The following WDPCP variants were observed in gnomAD, a reference collection of about 807,000 sequenced individuals.
WDPCP encodes WD repeat-containing and planar cell polarity effector protein fritz homolog.
In WDPCP, 71 loss-of-function variants were observed where a neutral mutation model predicts 93.1. That is an observed-to-expected ratio of 0.76 (90% confidence interval 0.63 to 0.93). The LOEUF is 0.93. Among genes scored for constraint, WDPCP ranks in the 40% least tolerant of loss-of-function variants. WDPCP has a pLI of 0.00. For synonymous variants in WDPCP, 315 were observed against 315.0 expected (o/e 1.00, Z 0.00); for missense variants, 844 against 887.4 (o/e 0.95, Z 0.62).
intron 13 of WDPCP, among the ~76,000 whole-genome samples, chr2:63,309,518 A>T (rs1188672077): frequency 6.6e-6 from 1 of 152,132 alleles, no homozygotes; most frequent in Non-Finnish European, 1.5e-5. Flanking sequence ...AATTGAAGTG[A>T]GAAATAGTCT....
In WDPCP at chr2:63,243,704, T is replaced by A. The variant is rs2104659222; in HGVS notation, c.1915+15603A>T. ...CCCAACACTGGAGCTCCCAAATTCA[T>A]AAAACAAGTACTTCTAGACCTATGA... On this transcript the variant is annotated intron_variant, in intron 14 of 17. Transcript: ENST00000272321. Among the ~76,000 whole-genome samples the A allele has an allele frequency of 2.0e-5, 3 of 152,158 alleles. 1 individual carries two copies. Among genetic ancestry groups the A allele is most frequent in the Admixed American group, 2.0e-4 (3 of 15,262 alleles).
rs1708022606 is a variant in WDPCP at position 63,575,508 on chromosome 2, C to CTA, written c.75+12688_75+12689insTA. 6.1e-5 allele frequency among the ~76,000 whole-genome samples: 4 copies of CTA among 65,954 alleles called. 2 individuals carry two copies. The highest frequency in any genetic ancestry group is 5.5e-4 in the Admixed American group (4 of 7,246). 43.3% of individuals were successfully genotyped at this position (65,954 alleles called of 152,430 possible). A position where few individuals can be genotyped will look rare whatever the true frequency, so the allele number is the denominator to read the frequency against. On this transcript the variant is annotated intron_variant, in intron 1 of 17. Transcript: ENST00000272321. ...ATATATAGTATATACAGTATATACA[C>CTA]TGTATATATAGTATATACAGTATAT...
intron 14 of WDPCP, among the ~76,000 whole-genome samples, chr2:63,214,998 T>A (rs1275478961): frequency 6.6e-6 from 1 of 152,084 alleles, no homozygotes; most frequent in Non-Finnish European, 1.5e-5. Context: ...GGAAGAACAT[T>A]CCATGCTCAC....
chr2:63,761,419 A>T lies in WDPCP; in HGVS notation n.308+52203T>A, dbSNP rs151128319. On this transcript the variant is annotated intron_variant and non_coding_transcript_variant, in intron 2 of 4. Coordinates refer to the WDPCP transcript ENST00000467687. ...ATCCTGTTATAGCAACAAAAAATGG[A>T]CTAAGGCAAACCACAAGCCTGATAT... 4.3e-3 allele frequency among the ~76,000 whole-genome samples: 660 copies of T among 152,288 alleles called. 17 individuals are homozygous for T. Among genetic ancestry groups the T allele is most frequent in the East Asian group, 9.6e-3 (50 of 5,184 alleles).
chr2:63,766,659 C>T (rs1213508416), intron 2 of WDPCP, among the ~76,000 whole-genome samples: 1 of 151,648 alleles, frequency 6.6e-6, no homozygotes, highest in East Asian at 1.9e-4. Context: ...AAAATTTTAA[C>T]ACATTAATAC....
At chr2:63,721,776 C>G (rs1467506371) in intron 2 of WDPCP, among the ~76,000 whole-genome samples, 3 of 147,042 alleles carry the variant, frequency 2.0e-5, no homozygotes, top group South Asian at 2.3e-4. Context: ...TCCACGGTCT[C>G]CCTCTCATGC....
rs573426195 is a variant in WDPCP at position 63,741,263 on chromosome 2, T to C, written n.308+72359A>G. 1.7e-3 allele frequency among the ~76,000 whole-genome samples: 256 copies of C among 152,196 alleles called. 1 individual carries two copies. Among genetic ancestry groups the C allele is most frequent in the African/African-American group, 6.0e-3 (248 of 41,550 alleles). ...ATAAAGACATCTTTTGTGGCACCAT[T>C]AAGCACTAGCTAGGGAGTCAGTCTC... is the stretch of plus-strand genomic sequence containing the variant. On this transcript the variant is annotated intron_variant and non_coding_transcript_variant, in intron 2 of 4. Coordinates refer to the WDPCP transcript ENST00000467687.
intron 2 of WDPCP, among the ~76,000 whole-genome samples, chr2:63,745,884 T>C (rs183224587): frequency 6.6e-6 from 1 of 152,284 alleles, no homozygotes; most frequent in Non-Finnish European, 1.5e-5. Context: ...CACAGCTGAG[T>C]TCCCATTAAG....
At chr2:63,247,133 T>C (rs1027267110) in intron 14 of WDPCP, among the ~76,000 whole-genome samples, 1 of 152,198 alleles carries the variant, frequency 6.6e-6, no homozygotes, top group Admixed American at 6.6e-5. Flanking sequence ...GATTCCTTCT[T>C]ATCCCTAGAT....
chr2:63,562,401 G>T (rs1706696138), intron 1 of WDPCP, among the ~76,000 whole-genome samples: 1 of 152,158 alleles, frequency 6.6e-6, no homozygotes, highest in Non-Finnish European at 1.5e-5. Flanking sequence ...AGTGTACCAG[G>T]ATAAATAACT....
chr2:63,620,219 G>T (rs182419842), intron 3 of WDPCP, among the ~76,000 whole-genome samples: 6 of 152,286 alleles, frequency 3.9e-5, no homozygotes, highest in Admixed American at 3.9e-4. Flanking sequence ...GAGCCAACTG[G>T]TCTAGCTCAG....
chr2:63,684,764 TAAC>T (rs975895822), intron 2 of WDPCP: 4 of 556,886 alleles, frequency 7.2e-6, no homozygotes, highest in Non-Finnish European at 1.4e-5. Flanking sequence ...AAAGAAATAG[TAAC>T]AAGCATTTTC....
intron 2 of WDPCP, among the ~76,000 whole-genome samples, chr2:63,703,350 T>C (rs959674634): frequency 1.7e-4 from 26 of 152,142 alleles, no homozygotes; most frequent in Non-Finnish European, 3.8e-4. Flanking sequence ...AGTGTAAAAG[T>C]GTTCCTATTT....
intron 14 of WDPCP, chr2:63,228,917 G>C (rs1227489471): frequency 4.6e-5 from 7 of 152,120 alleles, no homozygotes; most frequent in Admixed American, 4.6e-4. Flanking sequence ...CTTTATAGCA[G>C]CATGATTTAT....
At chr2:63,322,113 C>G (rs1324492740) in intron 12 of WDPCP, among the ~76,000 whole-genome samples, 1 of 151,920 alleles carries the variant, frequency 6.6e-6, no homozygotes, top group East Asian at 1.9e-4. Flanking sequence ...GTCTAGCTAA[C>G]AGGTAGGGGG....
intron 15 of WDPCP, among the ~76,000 whole-genome samples, chr2:63,167,026 C>A (rs1023007253): frequency 3.3e-5 from 5 of 152,134 alleles, no homozygotes; most frequent in African/African-American, 1.2e-4. Context: ...TAGCTTCCCA[C>A]AAATGAGTGA....
At chr2:63,771,947 C>G (rs1670232723) in intron 2 of WDPCP, among the ~76,000 whole-genome samples, 1 of 151,906 alleles carries the variant, frequency 6.6e-6, no homozygotes, top group Non-Finnish European at 1.5e-5. Context: ...TAGTCCACCA[C>G]TGATGGGCAC....
intron 2 of WDPCP, among the ~76,000 whole-genome samples, chr2:63,701,328 G>A (rs112183513): frequency 6.6e-6 from 1 of 152,118 alleles, no homozygotes; most frequent in African/African-American, 2.4e-5. Context: ...AATTAAAACT[G>A]GCTTTTGTCA....
Position 63,313,284 on chromosome 2 carries a change from G to A in WDPCP, c.1776C>T (p.Leu592=), listed in dbSNP as rs750355059. 5 of 1,613,544 alleles carry A rather than the reference G, an allele frequency of 3.1e-6. No homozygotes were observed. The highest frequency in any genetic ancestry group is 4.2e-6 in the Non-Finnish European group (5 of 1,179,742). ...CACGAGCACCAACGTCAACAGCTAG[G>A]AGAAATGCCTTTTCAAACCTCTGGT... ...LRYQRFEKAF[L]LAVDVGARDL... is the part of the protein sequence containing the mutation. The change falls in exon 13 of 18, where the codon CTC becomes CTT. Residue 592 remains leucine, a synonymous_variant. Transcript: ENST00000272321.
Sources: allele counts gnomAD v4.1 joint callset (sites outside exome capture counted in the v4.1 genomes callset), GRCh38; gene constraint gnomAD v4.1.1; transcripts MANE v1.5; gene names NCBI Gene and HGNC (gene_info 2026-07-23, HGNC 2026-07-21).